Variants in CCNJ observed in about 807,000 individuals in gnomAD.
CCNJ encodes cyclin-J.
CCNJ carries 12 observed loss-of-function variants against 41.4 expected under a neutral mutation model. That is an observed-to-expected ratio of 0.29 (90% confidence interval 0.19 to 0.47). The LOEUF (loss-of-function observed/expected upper bound fraction) is 0.47. Among genes scored for constraint, CCNJ ranks in the 20% least tolerant of loss-of-function variants. CCNJ has a pLI of 1.00. For missense variants in CCNJ, 340 were observed against 464.6 expected (o/e 0.73, Z 2.47); for synonymous variants, 161 against 173.4 (o/e 0.93, Z 0.56).
chr10:96,056,723 C>T lies in CCNJ; in HGVS notation c.303C>T (p.Asp101=). The T allele has an allele frequency of 6.3e-7, 1 of 1,599,354 alleles. No individual in the cohort carries two copies. Among genetic ancestry groups the T allele is most frequent in the Non-Finnish European group, 8.5e-7 (1 of 1,174,362 alleles). ...LLASKFEEKE[D]SVPKLEQLNS... is the part of the protein sequence containing the mutation. ...AAGGTAAATTTGAAGAAAAAGAAGACAGTGTGCCTAAGCTGGAGCAGCTCA... is the reference window on the plus strand; with the variant it reads ...AAGGTAAATTTGAAGAAAAAGAAGATAGTGTGCCTAAGCTGGAGCAGCTCA... The change falls in exon 4 of 6, where the codon GAC becomes GAT. Residue 101 remains aspartate, a synonymous_variant. Coordinates refer to ENST00000465148, the MANE Select transcript of CCNJ (RefSeq NM_001134375.2).
rs147958551 is a variant in CCNJ, at chr10:96,045,626, TGTTA to T, written c.69+1170_69+1173del. 8.4e-3 allele frequency among the ~76,000 whole-genome samples: 1,279 copies of T among 151,860 alleles called. 23 individuals carry two copies. The highest frequency in any genetic ancestry group is 0.03 in the African/African-American group (1,227 of 41,396). On this transcript the variant is annotated intron_variant, in intron 2 of 5. Coordinates refer to ENST00000465148, the MANE Select transcript of CCNJ (RefSeq NM_001134375.2). The stretch of plus-strand genomic sequence containing the variant: ...ATTCTAACTAATGGGATCTCTGGAG[TGTTA>T]GTTAGGAAAGAGTTGCAGTTTCTTG...
At position 96,057,919 on chromosome 10, in the gene CCNJ, C is replaced by A; in HGVS notation, c.830C>A (p.Ser277Tyr). Residue 277 changes from serine (S) to tyrosine (Y), a missense_variant, in exon 6 of 6, where the codon TCC becomes TAC. Physicochemically the swap from Ser to Tyr is moderately radical, Grantham distance 144. Around this residue, in one of 3 missense-constraint regions of CCNJ, gnomAD observed 159 missense variants for 168.2 expected, o/e 0.95. Coordinates refer to ENST00000465148, the MANE Select transcript of CCNJ (RefSeq NM_001134375.2). ...SAQLSVFQTA[S>Y]QPSRPVHFQQ... The stretch of plus-strand genomic sequence containing the variant: ...CAACTAAGTGTATTCCAGACAGCCT[C>A]CCAGCCATCACGGCCAGTTCACTTT... The A allele has an allele frequency of 6.2e-7, 1 of 1,614,224 alleles. No homozygotes were observed. Among genetic ancestry groups the A allele is most frequent in the South Asian group, 1.1e-5 (1 of 91,088 alleles).
At chr10:96,045,333 A>G (rs1414873082) in intron 2 of CCNJ, among the ~76,000 whole-genome samples, 1 of 152,230 alleles carries the variant, frequency 6.6e-6, no homozygotes, top group Non-Finnish European at 1.5e-5. Context: ...CATTTGTTAA[A>G]TGTAGAAAAT....
chr10:96,044,603 GTTAA>G (rs2080309685), intron 2 of CCNJ, 141 bp downstream of exon 2: 3 of 564,056 alleles, frequency 5.3e-6, no homozygotes, highest in Non-Finnish European at 8.4e-6. Context: ...TTTGCTCAAG[GTTAA>G]TTAACTTCTT....
intron 3 of CCNJ, among the ~76,000 whole-genome samples, 186 bp from the exon 4 acceptor site, chr10:96,056,515 A>T (rs2080699201): frequency 6.6e-6 from 1 of 152,120 alleles, no homozygotes; most frequent in Non-Finnish European, 1.5e-5. Context: ...GGATTGGGGA[A>T]AGGTTGGGGA....
chr10:96,047,214 A>G (rs751957195), intron 2 of CCNJ, among the ~76,000 whole-genome samples: 7 of 152,210 alleles, frequency 4.6e-5, no homozygotes, highest in Non-Finnish European at 8.8e-5. Flanking sequence ...GAGATGCTCA[A>G]TAAATGTCAC....
intron 2 of CCNJ, among the ~76,000 whole-genome samples, chr10:96,047,020 T>G (rs2080382752): frequency 1.3e-5 from 2 of 152,186 alleles, no homozygotes; most frequent in South Asian, 4.1e-4. Context: ...TGCTCTGGTT[T>G]TGCCTTTTTT....
chr10:96,053,237 G>C (rs1168245797), intron 3 of CCNJ, among the ~76,000 whole-genome samples: 1 of 86,842 alleles, frequency 1.2e-5, no homozygotes, highest in Non-Finnish European at 2.6e-5. Context: ...AATGACCATA[G>C]TGATGGATTC....
chr10:96,053,921 G>T (rs577626771), intron 3 of CCNJ, among the ~76,000 whole-genome samples: 3 of 151,856 alleles, frequency 2.0e-5, no homozygotes, highest in African/African-American at 7.3e-5. Context: ...ATAATTCTTA[G>T]TGTATGTTAG....
chr10:96,054,365 CAATT>C lies in CCNJ; in HGVS notation c.281-2335_281-2332del. Among the ~76,000 whole-genome samples, 3 of 152,276 alleles carry C rather than the reference CAATT, an allele frequency of 2.0e-5. No homozygotes were observed. The South Asian group carries it at 6.2e-4, about 32-fold the overall frequency. On this transcript the variant is annotated intron_variant, in intron 3 of 5. Coordinates refer to ENST00000465148, the MANE Select transcript of CCNJ (RefSeq NM_001134375.2). ...AACTATAGATAGGAATGCAGGTACTCAATTGACATTATCACACTTTTTGAAATCT... is the reference window on the plus strand; with the variant it reads ...AACTATAGATAGGAATGCAGGTACTCGACATTATCACACTTTTTGAAATCT...
At chr10:96,055,052 C>T (rs2080642199) in intron 3 of CCNJ, among the ~76,000 whole-genome samples, 1 of 152,086 alleles carries the variant, frequency 6.6e-6, no homozygotes. Flanking sequence ...TTTTTTCAGG[C>T]AATAAGCTGG....
rs118142107 is a variant in CCNJ, at chr10:96,045,886, C to T, written c.69+1424C>T. Among the ~76,000 whole-genome samples, 973 of 152,110 alleles carry T rather than the reference C, an allele frequency of 6.4e-3. 4 individuals are homozygous for T. Among genetic ancestry groups the T allele is most frequent in the Middle Eastern group, 0.02 (6 of 294 alleles). Reference sequence around the variant, plus strand: ...CTGACCTCAGGTGATCCACCTGCCTCGGCCTCCTAAAGTGCTGGGATTACA... The same window carrying T: ...CTGACCTCAGGTGATCCACCTGCCTTGGCCTCCTAAAGTGCTGGGATTACA... On this transcript the variant is annotated intron_variant, in intron 2 of 5. Transcript: ENST00000465148.
At chr10:96,047,644 C>T (rs917752619) in intron 2 of CCNJ, among the ~76,000 whole-genome samples, 1 of 152,188 alleles carries the variant, frequency 6.6e-6, no homozygotes, top group Non-Finnish European at 1.5e-5. Flanking sequence ...CAAAAAACAA[C>T]AATTGATGTA....
At chr10:96,056,634 C>A in intron 3 of CCNJ, 67 bp from the exon 4 acceptor site, 1 of 1,184,498 alleles carries the variant, frequency 8.4e-7, no homozygotes, top group Non-Finnish European at 1.2e-6. Flanking sequence ...TCCCATTTTA[C>A]TGACTAGACC....
chr10:96,055,655 G>A (rs865932759), intron 3 of CCNJ, among the ~76,000 whole-genome samples: 1 of 152,314 alleles, frequency 6.6e-6, no homozygotes, highest in Middle Eastern at 3.4e-3. Flanking sequence ...TTCTTCAGCT[G>A]TGCATAGCTG....
At chr10:96,044,638 T>A (rs368280597) in intron 2 of CCNJ, among the ~76,000 whole-genome samples, 176 bp downstream of exon 2, 1 of 152,148 alleles carries the variant, frequency 6.6e-6, no homozygotes, top group African/African-American at 2.4e-5. Flanking sequence ...CTGGGATGTA[T>A]CAAAAGAACC....
At chr10:96,054,415 A>G (rs1316922951) in intron 3 of CCNJ, among the ~76,000 whole-genome samples, 1 of 152,212 alleles carries the variant, frequency 6.6e-6, no homozygotes, top group Non-Finnish European at 1.5e-5. Context: ...ATGTATCTGA[A>G]TATTTATTAC....
chr10:96,057,610 C>T (rs1234849376), intron 5 of CCNJ, among the ~76,000 whole-genome samples: 1 of 152,160 alleles, frequency 6.6e-6, no homozygotes, highest in Non-Finnish European at 1.5e-5. Context: ...ATCTCCCAAA[C>T]TGGAAATAAT....
In CCNJ at chr10:96,060,627, CT is replaced by C. The variant is rs58578983; in HGVS notation, c.*2402del. ...TTTATTGATTAGTCTTTAAAGTAGG[CT>C]TTTTTTTTTTTTTTTGAGAATACTG... On this transcript the variant is annotated 3_prime_UTR_variant, in exon 6 of 6. Coordinates refer to ENST00000465148, the MANE Select transcript of CCNJ (RefSeq NM_001134375.2). 0.2 allele frequency: 26,832 copies of C among 133,764 alleles called. 3,164 individuals are homozygous for C. The highest frequency in any genetic ancestry group is 0.58 in the East Asian group (2,598 of 4,508). 8.3% of individuals were successfully genotyped at this position (133,764 alleles called of 1,614,324 possible).
Sources: gnomAD v4.1 joint callset for allele counts (sites outside exome capture counted in the v4.1 genomes callset) on GRCh38, gnomAD v4.1.1 for gene constraint, gnomAD v4.1.1 regional missense constraint, MANE v1.5 for transcripts, NCBI Gene and HGNC (gene_info 2026-07-23, HGNC 2026-07-21) for gene names.